The following ERICH3 variants were observed in gnomAD, a reference collection of about 807,000 sequenced individuals.
ERICH3 encodes glutamate-rich protein 3.
In ERICH3, 126 loss-of-function variants were observed where a neutral mutation model predicts 131.1. The ratio of observed to expected loss-of-function variants is 0.96; its 90% CI spans 0.83 to 1.11. The LOEUF is 1.11. Ranked by LOEUF, ERICH3 falls within the 50% of genes most tolerant of loss-of-function variation. The pLI is 0.00. For synonymous variants in ERICH3, 695 were observed against 644.6 expected (o/e 1.08, Z -1.18); for missense variants, 2,050 against 1,810.7 (o/e 1.13, Z -2.40).
intron 1 of ERICH3, among the ~76,000 whole-genome samples, chr1:74,657,445 C>T (rs563334835): frequency 6.6e-6 from 1 of 152,226 alleles, no homozygotes; most frequent in South Asian, 2.1e-4. Flanking sequence ...TCTCTACAGC[C>T]TGTCACTTTA....
intron 1 of ERICH3, among the ~76,000 whole-genome samples, chr1:74,651,384 G>C (rs1422400562): frequency 6.6e-6 from 1 of 152,038 alleles, no homozygotes; most frequent in Non-Finnish European, 1.5e-5. Context: ...ATTTCCCTAG[G>C]TTTATGTAAA....
intron 7 of ERICH3, among the ~76,000 whole-genome samples, chr1:74,628,108 G>A (rs1160501980): frequency 4.6e-5 from 7 of 152,136 alleles, no homozygotes; most frequent in Admixed American, 3.9e-4. Flanking sequence ...CTCAAGTGTT[G>A]TGAGTATCCA....
chr1:74,645,269 G>A (rs1005414557), intron 3 of ERICH3, among the ~76,000 whole-genome samples: 1 of 151,920 alleles, frequency 6.6e-6, no homozygotes, highest in African/African-American at 2.4e-5. Context: ...TGGTAAACCT[G>A]CAATTATGGC....
chr1:74,594,414 G>A (rs1647751926), intron 11 of ERICH3, among the ~76,000 whole-genome samples: 1 of 151,934 alleles, frequency 6.6e-6, no homozygotes, highest in African/African-American at 2.4e-5. Context: ...CACCAGTCCA[G>A]CAAATCCAGG....
chr1:74,578,664 C>T (rs1403406819), intron 12 of ERICH3: 1 of 150,300 alleles, frequency 6.7e-6, no homozygotes, highest in Admixed American at 6.7e-5. Flanking sequence ...TTTTTCCCTT[C>T]CCTTCCCTTC....
intron 1 of ERICH3, among the ~76,000 whole-genome samples, chr1:74,662,049 C>A (rs1241495514): frequency 6.6e-6 from 1 of 152,180 alleles, no homozygotes; most frequent in African/African-American, 2.4e-5. Flanking sequence ...TGCCCACACT[C>A]CTGACTACAG....
intron 12 of ERICH3, 48 bp downstream of exon 12, chr1:74,589,583 C>T (rs1455461047): frequency 1.9e-6 from 3 of 1,562,732 alleles, no homozygotes; most frequent in South Asian, 2.3e-5. Context: ...CCAAAATCAG[C>T]TTCCATGCAT....
chr1:74,582,964 C>A (rs188779248), intron 12 of ERICH3, among the ~76,000 whole-genome samples: 1 of 152,128 alleles, frequency 6.6e-6, no homozygotes, highest in South Asian at 2.1e-4. Context: ...TTGTTTCTTT[C>A]TTTCTCTTTT....
chr1:74,672,940 A>G (rs1646755120), intron 1 of ERICH3, among the ~76,000 whole-genome samples: 1 of 152,142 alleles, frequency 6.6e-6, no homozygotes, highest in African/African-American at 2.4e-5. Context: ...CCTGTGCCAT[A>G]TAACCTTCCT....
chr1:74,598,520 T>C (rs971218623), intron 11 of ERICH3, among the ~76,000 whole-genome samples: 6 of 151,250 alleles, frequency 4.0e-5, no homozygotes, highest in Non-Finnish European at 7.4e-5. Context: ...TAAAAAAAAA[T>C]TGAATGAAAG....
intron 12 of ERICH3, chr1:74,586,288 T>C (rs1647326293): frequency 1.5e-6 from 1 of 655,880 alleles, no homozygotes; most frequent in African/African-American, 2.0e-5. Context: ...GAACAAAATG[T>C]ATAGTATGTT....
chr1:74,600,901 C>T (rs1648099054), intron 10 of ERICH3, among the ~76,000 whole-genome samples: 1 of 151,446 alleles, frequency 6.6e-6, no homozygotes, highest in Non-Finnish European at 1.5e-5. Context: ...TCTGGCTTCT[C>T]TGTGGGGGAG....
intron 3 of ERICH3, among the ~76,000 whole-genome samples, chr1:74,646,295 G>A (rs1033254976): frequency 6.6e-6 from 1 of 152,016 alleles, no homozygotes; most frequent in Non-Finnish European, 1.5e-5. Flanking sequence ...TTTAGCAAAT[G>A]GAAATTGAGG....
intron 6 of ERICH3, 66 bp from the exon 7 acceptor site, chr1:74,631,994 T>C (rs1646342859): frequency 7.1e-7 from 1 of 1,417,404 alleles, no homozygotes; most frequent in Non-Finnish European, 9.7e-7. Context: ...TAACCCAAAT[T>C]TAAAGACAAG....
At chr1:74,617,616 T>C (rs1649029747) in intron 8 of ERICH3, among the ~76,000 whole-genome samples, 1 of 152,174 alleles carries the variant, frequency 6.6e-6, no homozygotes, top group Non-Finnish European at 1.5e-5. Flanking sequence ...TATGATTGTG[T>C]TTATAGGAAA....
chr1:74,632,837 C>A (rs1327296381), intron 6 of ERICH3, among the ~76,000 whole-genome samples: 1 of 151,600 alleles, frequency 6.6e-6, no homozygotes, highest in African/African-American at 2.4e-5. Flanking sequence ...TAGGGATATA[C>A]CTTCATATTG....
intron 1 of ERICH3, among the ~76,000 whole-genome samples, chr1:74,667,174 T>C (rs1646700222): frequency 1.3e-5 from 2 of 152,204 alleles, no homozygotes; most frequent in African/African-American, 2.4e-5. Context: ...CGTCTATGAC[T>C]CAGCTGATTT....
At chr1:74,673,979 C>T (rs1570929731), upstream of ERICH3, among the ~76,000 whole-genome samples, 1 of 152,164 alleles carries the variant, frequency 6.6e-6, no homozygotes, top group African/African-American at 2.4e-5. Context: ...TTTTGGCTGG[C>T]GTGCTTCCTG....
At chr1:74,603,883 G>A (rs1229864834) in intron 10 of ERICH3, among the ~76,000 whole-genome samples, 1 of 151,818 alleles carries the variant, frequency 6.6e-6, no homozygotes, top group Non-Finnish European at 1.5e-5. Context: ...TGACTGATCG[G>A]GGTGGTGGTT....
Sources: gnomAD v4.1 joint callset for allele counts (sites outside exome capture counted in the v4.1 genomes callset) on GRCh38, gnomAD v4.1.1 for gene constraint, MANE v1.5 for transcripts, NCBI Gene and HGNC (gene_info 2026-07-23, HGNC 2026-07-21) for gene names.